The following CDH23 variants were observed in gnomAD, a reference collection of about 807,000 sequenced individuals.
The protein encoded by CDH23 is cadherin-23.
Under a neutral mutation model 317.1 loss-of-function variants are expected in CDH23, and 189 were observed. The observed-to-expected ratio is 0.60, with a 90% CI of 0.53 to 0.67. The LOEUF (loss-of-function observed/expected upper bound fraction) is 0.67, where lower values mean the gene tolerates loss of function less well. Ranked by LOEUF, CDH23 falls within the 30% of genes least tolerant of loss-of-function variation. The pLI is 0.00. For synonymous variants in CDH23, 1,839 were observed against 1,876.8 expected (o/e 0.98, Z 0.52); for missense variants, 4,401 against 4,592.4 (o/e 0.96, Z 1.20).
At chr10:71,808,544 G>C (rs1841813959) in intron 60 of CDH23, among the ~76,000 whole-genome samples, 1 of 152,162 alleles carries the variant, frequency 6.6e-6, no homozygotes, top group South Asian at 2.1e-4. Context: ...TATATCTATG[G>C]ATGTGCATGT....
chr10:71,714,325 T>G (rs1014986864), intron 28 of CDH23: 1 of 151,924 alleles, frequency 6.6e-6, no homozygotes, highest in Non-Finnish European at 1.5e-5. Flanking sequence ...CACGCTTCAC[T>G]CTGTACACAG....
Position 71,615,629 on chromosome 10 carries a change from T to C in CDH23, c.945+13T>C. On this transcript the variant is annotated intron_variant, in intron 10 of 69. Transcript: ENST00000224721. The stretch of plus-strand genomic sequence containing the variant: ...CCTGACTGTGAAGGTGAGACCTGGG[T>C]GGGCACCTTCACCCCAGGTAGAGGA... 6.3e-7 allele frequency: 1 copy of C among 1,582,374 alleles called. No homozygotes were observed. The highest frequency in any genetic ancestry group is 8.7e-7 in the Non-Finnish European group (1 of 1,151,548).
chr10:71,773,657 CG>C, intron 38 of CDH23: 2 of 459,752 alleles, frequency 4.4e-6, no homozygotes. Context: ...TCCCGGAGGC[CG>C]GCCCCGTGGG....
At chr10:71,708,178 T>A (rs1358681344) in intron 26 of CDH23, among the ~76,000 whole-genome samples, 1 of 152,118 alleles carries the variant, frequency 6.6e-6, no homozygotes, top group Admixed American at 6.5e-5. Context: ...TGGGGAGCAC[T>A]GGAGGTTTGG....
intron 3 of CDH23, among the ~76,000 whole-genome samples, chr10:71,474,808 G>T (rs963339097): frequency 1.3e-5 from 2 of 152,260 alleles, no homozygotes; most frequent in Non-Finnish European, 2.9e-5. Context: ...GCAGACAGCA[G>T]GTCAAGAGCC....
intron 9 of CDH23, among the ~76,000 whole-genome samples, chr10:71,592,226 A>G (rs999854649): frequency 2.0e-5 from 3 of 152,170 alleles, no homozygotes; most frequent in Admixed American, 6.5e-5. Context: ...TCCCATGGAC[A>G]TTCTGAGCTG....
chr10:71,774,049 GCGCACACACA>G (rs1443296317), intron 38 of CDH23, among the ~76,000 whole-genome samples: 89 of 145,584 alleles, frequency 6.1e-4, no homozygotes, highest in Admixed American at 1.0e-3. Context: ...GCATGCGCGC[GCGCACACACA>G]CACACACACA....
At chr10:71,779,702 A>G (rs538217846) in intron 41 of CDH23, among the ~76,000 whole-genome samples, 2 of 152,342 alleles carry the variant, frequency 1.3e-5, no homozygotes, top group South Asian at 2.1e-4. Flanking sequence ...TCCTTTAAGA[A>G]CATGATTAAA....
intron 12 of CDH23, among the ~76,000 whole-genome samples, chr10:71,644,190 C>G (rs902111333): frequency 6.6e-6 from 1 of 152,264 alleles, no homozygotes; most frequent in Admixed American, 6.5e-5. Context: ...CCCACATCCC[C>G]TGGGGAGCCA....
At chr10:71,684,016 G>C (rs1036473866) in intron 18 of CDH23, among the ~76,000 whole-genome samples, 3 of 152,022 alleles carry the variant, frequency 2.0e-5, no homozygotes, top group Non-Finnish European at 4.4e-5. Flanking sequence ...AGGAGGTGGA[G>C]GTTGCAGTGA....
rs1434850734 is a variant in CDH23 at position 71,607,218 on chromosome 10, C to T, written c.833-8286C>T. 4.6e-5 allele frequency among the ~76,000 whole-genome samples: 7 copies of T among 152,346 alleles called. No homozygotes were observed. In the East Asian group the frequency reaches 7.7e-4, roughly 17 times the overall value. Reference sequence around the variant, plus strand: ...CCTGCAAGCCAGCCTGCCCCAGGGGCGGGGGCTTAGGCTGCCCACACACAG... The same window carrying T: ...CCTGCAAGCCAGCCTGCCCCAGGGGTGGGGGCTTAGGCTGCCCACACACAG... On this transcript the variant is annotated intron_variant, in intron 9 of 69. Transcript: ENST00000224721.
intron 11 of CDH23, among the ~76,000 whole-genome samples, chr10:71,630,433 T>C (rs1861951261): frequency 6.6e-6 from 1 of 151,914 alleles, no homozygotes; most frequent in Non-Finnish European, 1.5e-5. Flanking sequence ...ATGGGGCCTG[T>C]GGAGGGTGAG....
At chr10:71,564,625 C>A (rs1018071818) in intron 6 of CDH23, among the ~76,000 whole-genome samples, 1 of 152,224 alleles carries the variant, frequency 6.6e-6, no homozygotes, top group African/African-American at 2.4e-5. Flanking sequence ...CAAATGTCCT[C>A]GCCTCCCCGA....
At chr10:71,639,768 G>T (rs1019527673) in intron 11 of CDH23, among the ~76,000 whole-genome samples, 1 of 152,154 alleles carries the variant, frequency 6.6e-6, no homozygotes, top group Admixed American at 6.5e-5. Context: ...GGAAGCTGTT[G>T]TCATAAAAGG....
chr10:71,785,722 C>A lies in CDH23; in HGVS notation c.5804C>A (p.Pro1935Gln). The A allele has an allele frequency of 6.2e-7, 1 of 1,602,602 alleles. No homozygotes were observed. Among genetic ancestry groups the A allele is most frequent in the Non-Finnish European group, 8.5e-7 (1 of 1,173,668 alleles). ...TISVKDNPEN[P>Q]RIARRDYDLL... is the part of the protein sequence containing the mutation. Reference sequence around the variant, plus strand: ...TCTGTGAAGGACAACCCGGAGAATCCACGCATAGCCAGGAGGGTGAGACTG... The same window carrying A: ...TCTGTGAAGGACAACCCGGAGAATCAACGCATAGCCAGGAGGGTGAGACTG... Residue 1935 changes from proline (P) to glutamine (Q), a missense_variant, in exon 44 of 70, where the codon CCA becomes CAA. Physicochemically the swap from Pro to Gln is moderately conservative, Grantham distance 76 (BLOSUM62 -1). Transcript: ENST00000224721.
At chr10:71,670,622 C>A (rs765975897) in intron 14 of CDH23, among the ~76,000 whole-genome samples, 1 of 152,150 alleles carries the variant, frequency 6.6e-6, no homozygotes, top group Non-Finnish European at 1.5e-5. Flanking sequence ...AATGAGAGAA[C>A]AGTCTGGGGT....
At chr10:71,742,429 G>A (rs868674973) in intron 38 of CDH23, among the ~76,000 whole-genome samples, 3 of 152,316 alleles carry the variant, frequency 2.0e-5, no homozygotes, top group African/African-American at 4.8e-5. Flanking sequence ...TCACACTAAC[G>A]CTCGAATGAA....
chr10:71,623,513 G>A (rs182673520), intron 11 of CDH23, among the ~76,000 whole-genome samples: 149 of 152,338 alleles, frequency 9.8e-4, no homozygotes, highest in African/African-American at 3.3e-3. Context: ...GCCCCAGGAA[G>A]CCAGGGAGCT....
At chr10:71,561,344 T>C (rs1857121922) in intron 6 of CDH23, among the ~76,000 whole-genome samples, 1 of 151,898 alleles carries the variant, frequency 6.6e-6, no homozygotes, top group African/African-American at 2.4e-5. Context: ...TCTCTCTGTC[T>C]GGTTCCTCCT....
Sources: allele counts gnomAD v4.1 joint callset (sites outside exome capture counted in the v4.1 genomes callset), GRCh38; gene constraint gnomAD v4.1.1; transcripts MANE v1.5; gene names NCBI Gene and HGNC (gene_info 2026-07-23, HGNC 2026-07-21).